ATP10A: variants seen among roughly 807,000 people sequenced by gnomAD.
ATP10A encodes ATPase phospholipid transporting 10A (putative), also known as phospholipid-transporting ATPase VA.
ATP10A carries 111 observed loss-of-function variants against 147.8 expected under a neutral mutation model. The ratio of observed to expected loss-of-function variants is 0.75; its 90% confidence interval spans 0.64 to 0.88. The LOEUF (loss-of-function observed/expected upper bound fraction) is 0.88. ATP10A is among the 40% of genes least tolerant of loss of function. The pLI, the probability that ATP10A is intolerant of heterozygous loss-of-function variation, is 0.00. For synonymous variants in ATP10A, 875 were observed against 841.6 expected, an observed-to-expected ratio of 1.04 and a Z score of -0.69; for missense variants, 1,927 against 1,959.0, an observed-to-expected ratio of 0.98 and a Z score of 0.31.
At chr15:25,819,777 C>T (rs1472812750) in intron 1 of ATP10A, among the ~76,000 whole-genome samples, 1 of 152,094 alleles carries the variant, frequency 6.6e-6, no homozygotes, top group East Asian at 1.9e-4. Flanking sequence ...TTTGCAGTGA[C>T]ATAAATGGAA....
Position 25,694,878 on chromosome 15 carries a change from T to A in ATP10A, c.3029A>T (p.Gln1010Leu), listed in dbSNP as rs1278900272. Residue 1010 changes from glutamine (Q) to leucine (L), a missense_variant, in exon 14 of 21, where the codon CAG (glutamine) becomes CTG (leucine). By Grantham distance (113) the Gln-to-Leu change is moderately radical. Transcript: ENST00000555815. ...CACCAGCTTCACCACCATGCTCTTC[T>A]GCAGAGGCGTCGACCGACAGCAGAG... ...SVLCCRSTPL[Q>L]KSMVVKLVRS... is the part of the protein sequence containing the mutation. 2.5e-6 allele frequency: 4 copies of A among 1,614,174 alleles called. No homozygotes were observed. In the Admixed American group the frequency reaches 6.7e-5, roughly 27 times the overall value.
rs142615802 is a variant in ATP10A, at chr15:25,777,980, A to C, written c.654+3039T>G. Among the ~76,000 whole-genome samples, 7 of 151,896 alleles carry C rather than the reference A, an allele frequency of 4.6e-5. No homozygotes were observed. In the East Asian group the frequency reaches 1.4e-3, roughly 29 times the overall value. On this transcript the variant is annotated intron_variant, in intron 2 of 20. Coordinates refer to ENST00000555815, the MANE Select transcript of ATP10A (RefSeq NM_024490.4). ...TTTTAAAGATAACAGCTTTATTGAG[A>C]TATAATTCACATATCATTACTTCTT...
At chr15:25,687,360 C>G (rs947463890) in intron 16 of ATP10A, among the ~76,000 whole-genome samples, 2 of 151,996 alleles carry the variant, frequency 1.3e-5, no homozygotes, top group Non-Finnish European at 2.9e-5. Flanking sequence ...CTGGGGTGAA[C>G]GCAGCCTTGA....
chr15:25,860,595 G>A (rs926062657), intron 1 of ATP10A, among the ~76,000 whole-genome samples: 1 of 152,168 alleles, frequency 6.6e-6, no homozygotes, highest in East Asian at 1.9e-4. Flanking sequence ...AATGCTGACA[G>A]TTCCTTCAGT....
chr15:25,781,427 C>T (rs8042851), intron 1 of ATP10A, among the ~76,000 whole-genome samples: 124,133 of 152,042 alleles, frequency 0.82, 50,653 homozygotes, highest in Middle Eastern at 0.86. Flanking sequence ...GAGACCGAGG[C>T]GGGCAGATTA....
At chr15:25,701,718 C>A (rs191445080) in intron 13 of ATP10A, among the ~76,000 whole-genome samples, 198 bp downstream of exon 13, 23 of 152,316 alleles carry the variant, frequency 1.5e-4, no homozygotes, top group African/African-American at 5.3e-4. Flanking sequence ...AAAGCCCAGA[C>A]ATGCATTCCT....
chr15:25,766,076 C>A (rs1484109726), intron 2 of ATP10A, among the ~76,000 whole-genome samples: 19 of 152,306 alleles, frequency 1.2e-4, no homozygotes, highest in Non-Finnish European at 2.1e-4. Context: ...AGGTGAAAGG[C>A]ACTTCTTACA....
intron 7 of ATP10A, 94 bp from the exon 8 acceptor site, chr15:25,718,493 C>CG: frequency 7.7e-7 from 1 of 1,302,584 alleles, no homozygotes; most frequent in Non-Finnish European, 1.1e-6. Context: ...CGCGAGGCTT[C>CG]CGGCAGGGCA....
intron 1 of ATP10A, among the ~76,000 whole-genome samples, chr15:25,826,864 T>A (rs564399171): frequency 3.9e-5 from 6 of 152,268 alleles, no homozygotes; most frequent in East Asian, 1.9e-4. Context: ...TTGATGAAAA[T>A]CATCTATCTG....
chr15:25,800,264 T>C (rs1890877298), intron 1 of ATP10A, among the ~76,000 whole-genome samples: 1 of 152,128 alleles, frequency 6.6e-6, no homozygotes, highest in Non-Finnish European at 1.5e-5. Context: ...TGGCTGCAGG[T>C]TCCCGTAGGG....
intron 10 of ATP10A, among the ~76,000 whole-genome samples, chr15:25,711,320 G>A (rs1901404257): frequency 6.6e-6 from 1 of 152,092 alleles, no homozygotes; most frequent in Non-Finnish European, 1.5e-5. Context: ...CACACAGGTA[G>A]TAAGTTGATT....
At chr15:25,844,076 A>T (rs1191979521) in intron 1 of ATP10A, among the ~76,000 whole-genome samples, 4 of 152,248 alleles carry the variant, frequency 2.6e-5, no homozygotes, top group African/African-American at 9.6e-5. Context: ...AAGAACATGA[A>T]GGAGTCAAAA....
At chr15:25,804,302 C>A (rs922922750) in intron 1 of ATP10A, among the ~76,000 whole-genome samples, 19 of 124,652 alleles carry the variant, frequency 1.5e-4, no homozygotes, top group African/African-American at 4.2e-4. Context: ...TGTGAGTGTT[C>A]GTGTGTGTCT....
intron 1 of ATP10A, among the ~76,000 whole-genome samples, chr15:25,781,504 A>T (rs548724826): frequency 8.5e-5 from 13 of 152,048 alleles, no homozygotes; most frequent in Middle Eastern, 3.4e-3. Flanking sequence ...AAAATACAAA[A>T]ATTAGCCGGG....
intron 16 of ATP10A, among the ~76,000 whole-genome samples, chr15:25,684,780 C>T (rs1459166696): frequency 1.3e-5 from 2 of 152,182 alleles, no homozygotes; most frequent in Non-Finnish European, 2.9e-5. Context: ...CCTTTTGACC[C>T]TGACTCAGTC....
intron 9 of ATP10A, among the ~76,000 whole-genome samples, chr15:25,715,657 C>T (rs1901753039): frequency 6.6e-6 from 1 of 152,238 alleles, no homozygotes; most frequent in African/African-American, 2.4e-5. Flanking sequence ...CCAGGGCTGC[C>T]GGCCTAAGCC....
intron 1 of ATP10A, among the ~76,000 whole-genome samples, chr15:25,821,311 C>T (rs972326069): frequency 6.6e-6 from 1 of 151,996 alleles, no homozygotes; most frequent in African/African-American, 2.4e-5. Context: ...ATCACTGCAG[C>T]CCGGGAGATC....
chr15:25,828,186 G>A (rs532752775), intron 1 of ATP10A, among the ~76,000 whole-genome samples: 1 of 152,246 alleles, frequency 6.6e-6, no homozygotes, highest in South Asian at 2.1e-4. Context: ...GGATGAAATA[G>A]ACAATTTAAC....
chr15:25,850,355 T>A (rs911886781), intron 1 of ATP10A, among the ~76,000 whole-genome samples: 6 of 152,078 alleles, frequency 3.9e-5, no homozygotes, highest in African/African-American at 1.2e-4. Context: ...GGTGCAGCAC[T>A]GGAGATGACC....
Sources: gnomAD v4.1 joint callset for allele counts (sites outside exome capture counted in the v4.1 genomes callset) on GRCh38, gnomAD v4.1.1 for gene constraint, MANE v1.5 for transcripts, NCBI Gene and HGNC (gene_info 2026-07-23, HGNC 2026-07-21) for gene names.